MPPED2: variants seen among roughly 807,000 people sequenced by gnomAD.
MPPED2 encodes metallophosphoesterase domain containing 2.
In MPPED2, 5 loss-of-function variants were observed where a neutral mutation model predicts 33.0. The ratio of observed to expected loss-of-function variants is 0.15; its 90% CI spans 0.08 to 0.32. The LOEUF is 0.32. MPPED2 is among the 10% of genes least tolerant of loss of function. The pLI is 1.00. For synonymous variants in MPPED2, 136 were observed against 141.9 expected, an observed-to-expected ratio of 0.96 and a Z score of 0.29; for missense variants, 275 against 372.1, an observed-to-expected ratio of 0.74 and a Z score of 2.15.
chr11:30,583,134 C>CTTTTTTTCTTTTTTTTTTTTTTTTTT lies in MPPED2; in HGVS notation c.-121-2641_-121-2640insAAAAAAAAAAAAAAAAAAGAAAAAAA, dbSNP rs1554919022. Among the ~76,000 whole-genome samples the CTTTTTTTCTTTTTTTTTTTTTTTTTT allele has an allele frequency of 5.0e-3, 482 of 96,550 alleles. 35 individuals carry two copies. The highest frequency in any genetic ancestry group is 6.4e-3 in the Non-Finnish European group (325 of 50,438). The allele number at this position is 96,550 out of a possible 152,430, so 63.3% of individuals were successfully genotyped here. On this transcript the variant is annotated intron_variant, in intron 1 of 6. Transcript: ENST00000358117. ...CACAAACACCTGGAAAAGACTTTTT[C>CTTTTTTTCTTTTTTTTTTTTTTTTTT]TTTTTTTTTTTTTTTTTTTTTTTTT...
At chr11:30,576,727 A>C (rs951324417) in intron 2 of MPPED2, among the ~76,000 whole-genome samples, 1 of 152,068 alleles carries the variant, frequency 6.6e-6, no homozygotes, top group African/African-American at 2.4e-5. Flanking sequence ...TGGAAAAATG[A>C]AACCCTGTTA....
At chr11:30,549,412 T>C (rs546654467) in intron 2 of MPPED2, among the ~76,000 whole-genome samples, 3 of 152,226 alleles carry the variant, frequency 2.0e-5, no homozygotes, top group Non-Finnish European at 4.4e-5. Context: ...AAACTCTTAA[T>C]GCACCATGTT....
chr11:30,470,767 T>C (rs1950914685), intron 4 of MPPED2, among the ~76,000 whole-genome samples: 1 of 152,204 alleles, frequency 6.6e-6, no homozygotes, highest in African/African-American at 2.4e-5. Context: ...CAGACTCATG[T>C]TGCTACATTC....
chr11:30,531,292 C>G (rs1954511076), intron 3 of MPPED2, among the ~76,000 whole-genome samples: 1 of 152,306 alleles, frequency 6.6e-6, no homozygotes, highest in Non-Finnish European at 1.5e-5. Context: ...GCCCTGAAGA[C>G]AGCACTACGG....
At chr11:30,479,871 A>C (rs1439199276) in intron 4 of MPPED2, among the ~76,000 whole-genome samples, 1 of 152,162 alleles carries the variant, frequency 6.6e-6, no homozygotes, top group African/African-American at 2.4e-5. Flanking sequence ...AATTGCTCTC[A>C]AATTCAAATC....
At chr11:30,460,903 A>G (rs1950492009) in intron 4 of MPPED2, among the ~76,000 whole-genome samples, 1 of 152,232 alleles carries the variant, frequency 6.6e-6, no homozygotes, top group African/African-American at 2.4e-5. Context: ...TGAAAGCAGG[A>G]ATCTGAACAG....
intron 3 of MPPED2, among the ~76,000 whole-genome samples, chr11:30,528,116 C>T (rs911983441): frequency 6.8e-6 from 1 of 148,072 alleles, no homozygotes; most frequent in African/African-American, 2.5e-5. Flanking sequence ...AACCTAATAC[C>T]ACACTGCCTT....
At chr11:30,479,636 T>C (rs1435786627) in intron 4 of MPPED2, among the ~76,000 whole-genome samples, 3 of 122,216 alleles carry the variant, frequency 2.5e-5, no homozygotes, top group Non-Finnish European at 4.9e-5. Flanking sequence ...GACATACCTC[T>C]AAAGGAAAAA....
At chr11:30,456,118 T>C (rs1352163916) in intron 4 of MPPED2, among the ~76,000 whole-genome samples, 4 of 152,220 alleles carry the variant, frequency 2.6e-5, no homozygotes, top group African/African-American at 9.6e-5. Context: ...ATATAAATAA[T>C]GGAAGGAACC....
At chr11:30,418,986 T>C (rs1590195743) in intron 4 of MPPED2, among the ~76,000 whole-genome samples, 1 of 152,218 alleles carries the variant, frequency 6.6e-6, no homozygotes, top group African/African-American at 2.4e-5. Context: ...GAAGAGACTG[T>C]GTAGCCCTAG....
chr11:30,487,541 G>A (rs563332155), intron 4 of MPPED2, among the ~76,000 whole-genome samples: 1 of 152,232 alleles, frequency 6.6e-6, no homozygotes, highest in African/African-American at 2.4e-5. Context: ...GAGTGCAGGG[G>A]TGTGCTCACG....
At chr11:30,438,415 T>C (rs896406452) in intron 4 of MPPED2, among the ~76,000 whole-genome samples, 5 of 152,194 alleles carry the variant, frequency 3.3e-5, no homozygotes, top group African/African-American at 1.2e-4. Context: ...TAAGTTAAAT[T>C]ACTGACCTAA....
chr11:30,542,758 T>A (rs1955197743), intron 2 of MPPED2, among the ~76,000 whole-genome samples: 1 of 152,230 alleles, frequency 6.6e-6, no homozygotes, highest in South Asian at 2.1e-4. Flanking sequence ...AAAACACTGA[T>A]CTGGTTTAAA....
At chr11:30,577,616 T>G (rs1956984785) in intron 2 of MPPED2, among the ~76,000 whole-genome samples, 1 of 152,212 alleles carries the variant, frequency 6.6e-6, no homozygotes, top group South Asian at 2.1e-4. Flanking sequence ...AATTTTTGTT[T>G]CTTAACATAA....
chr11:30,434,308 AG>A lies in MPPED2; in HGVS notation c.537-16676del, dbSNP rs375005542. ...GCAGGGATCCAGAATTCGCAGGGGA[AG>A]GGGGAAGAGACAAGGTCATGGGGCA... On this transcript the variant is annotated intron_variant, in intron 4 of 6. Transcript: ENST00000358117. Among the ~76,000 whole-genome samples, 202 of 152,296 alleles carry A rather than the reference AG, an allele frequency of 1.3e-3. 7 individuals are homozygous for A. In the South Asian group the frequency reaches 0.041, roughly 31 times the overall value.
chr11:30,500,377 A>T (rs1029992760), intron 3 of MPPED2, among the ~76,000 whole-genome samples: 1 of 152,002 alleles, frequency 6.6e-6, no homozygotes, highest in East Asian at 1.9e-4. Flanking sequence ...CTCCTTATTC[A>T]TCTTTACTTC....
intron 3 of MPPED2, among the ~76,000 whole-genome samples, chr11:30,527,723 G>A (rs971029104): frequency 1.3e-5 from 2 of 152,162 alleles, no homozygotes; most frequent in Admixed American, 1.3e-4. Flanking sequence ...CTGTTGCACA[G>A]GCAGAGTGGG....
rs199611856 is a variant in MPPED2 at position 30,583,134 on chromosome 11, C to CTTTTTTTTTTTTTTTTTTTTTT, written c.-121-2662_-121-2641dup. Among the ~76,000 whole-genome samples, 61 of 96,674 alleles carry CTTTTTTTTTTTTTTTTTTTTTT rather than the reference C, an allele frequency of 6.3e-4. 12 individuals are homozygous for CTTTTTTTTTTTTTTTTTTTTTT. Among genetic ancestry groups the CTTTTTTTTTTTTTTTTTTTTTT allele is most frequent in the African/African-American group, 2.4e-3 (50 of 20,682 alleles). 63.4% of individuals were successfully genotyped at this position (96,674 alleles called of 152,430 possible). A position where few individuals can be genotyped will look rare whatever the true frequency, so the allele number is the denominator to read the frequency against. ...CACAAACACCTGGAAAAGACTTTTTCTTTTTTTTTTTTTTTTTTTTTTTTT... is the reference window on the plus strand; with the variant it reads ...CACAAACACCTGGAAAAGACTTTTTCTTTTTTTTTTTTTTTTTTTTTTTTTTTTTTTTTTTTTTTTTTTTTTT... On this transcript the variant is annotated intron_variant, in intron 1 of 6. Transcript: ENST00000358117.
At chr11:30,575,005 T>A (rs1227941628) in intron 2 of MPPED2, among the ~76,000 whole-genome samples, 2 of 152,218 alleles carry the variant, frequency 1.3e-5, no homozygotes, top group Non-Finnish European at 2.9e-5. Context: ...TTCTGTAACA[T>A]TGTTTTTATA....
Sources: gnomAD v4.1 joint callset for allele counts (sites outside exome capture counted in the v4.1 genomes callset) on GRCh38, gnomAD v4.1.1 for gene constraint, MANE v1.5 for transcripts, NCBI Gene and HGNC (gene_info 2026-07-23, HGNC 2026-07-21) for gene names.